CDH2: variants seen among roughly 807,000 people sequenced by gnomAD.
CDH2 encodes the protein cadherin 2.
In CDH2, 17 loss-of-function variants were observed where a neutral mutation model predicts 92.0. The observed-to-expected ratio is 0.18, with a 90% confidence interval of 0.13 to 0.28. The LOEUF is 0.28. Ranked by LOEUF, CDH2 falls within the 10% of genes least tolerant of loss-of-function variation. The pLI, the probability that CDH2 is intolerant of heterozygous loss-of-function variation, is 1.00. For missense variants in CDH2, 862 were observed against 1,133.1 expected, an observed-to-expected ratio of 0.76 and a Z score of 3.44; for synonymous variants, 419 against 415.9, an observed-to-expected ratio of 1.01 and a Z score of -0.09.
intron 1 of CDH2, among the ~76,000 whole-genome samples, chr18:28,166,343 C>A (rs764966123): frequency 1.3e-5 from 2 of 151,714 alleles, no homozygotes; most frequent in South Asian, 4.2e-4. Flanking sequence ...CTGTTATCGA[C>A]GTTTGAGTAC....
At chr18:27,963,093 C>G (rs1408770429) in intron 15 of CDH2, among the ~76,000 whole-genome samples, 5 of 152,092 alleles carry the variant, frequency 3.3e-5, no homozygotes, top group Non-Finnish European at 7.4e-5. Flanking sequence ...TTCTCGGAGA[C>G]AGTGTGACTA....
rs17536479 is a variant in CDH2 at position 28,136,784 on chromosome 18, C to T, written c.172+10889G>A. Among the ~76,000 whole-genome samples, 704 of 152,176 alleles carry T rather than the reference C, an allele frequency of 4.6e-3. 6 individuals are homozygous for T. Among genetic ancestry groups the T allele is most frequent in the African/African-American group, 0.015 (625 of 41,522 alleles). ...TCTGTATTTCTGTTGTGGAAATACA[C>T]GCTAAGACCAAATATCTAAGTATAG... On this transcript the variant is annotated intron_variant, in intron 2 of 15. Transcript: ENST00000269141.
In CDH2 at chr18:28,037,275, G is replaced by A. The variant is rs375720956; in HGVS notation, c.173-23366C>T. Among the ~76,000 whole-genome samples the A allele has an allele frequency of 2.0e-5, 3 of 152,120 alleles. No homozygotes were observed. In the East Asian group the frequency reaches 5.8e-4, roughly 29 times the overall value. On this transcript the variant is annotated intron_variant, in intron 2 of 15. Transcript: ENST00000269141. ...TGCCTATACATAATTTTGCTAATGG[G>A]TAGATACAAGATTCCCAAAGAGTGC...
At chr18:27,981,124 G>T (rs1464546419) in intron 14 of CDH2, among the ~76,000 whole-genome samples, 1 of 152,052 alleles carries the variant, frequency 6.6e-6, no homozygotes, top group Non-Finnish European at 1.5e-5. Flanking sequence ...CTCCAATTTT[G>T]GGCAGCATCC....
At chr18:27,969,421 GCTAC>G (rs1310727916) in intron 14 of CDH2, among the ~76,000 whole-genome samples, 1 of 152,162 alleles carries the variant, frequency 6.6e-6, no homozygotes, top group African/African-American at 2.4e-5. Context: ...CCTTTAACAT[GCTAC>G]CTGTTTTCAG....
chr18:28,123,838 G>A (rs1295615798), intron 2 of CDH2, among the ~76,000 whole-genome samples: 2 of 152,106 alleles, frequency 1.3e-5, no homozygotes, highest in African/African-American at 4.8e-5. Context: ...AGAACTGAAA[G>A]CACTTTTGTT....
At chr18:28,067,491 C>T (rs939718357) in intron 2 of CDH2, among the ~76,000 whole-genome samples, 2 of 152,098 alleles carry the variant, frequency 1.3e-5, no homozygotes, top group Non-Finnish European at 2.9e-5. Context: ...AATATGTGGT[C>T]CTTTGTGATT....
intron 5 of CDH2, 31 bp from the exon 6 acceptor site, chr18:28,006,024 A>T: frequency 1.9e-6 from 3 of 1,562,082 alleles, no homozygotes; most frequent in Non-Finnish European, 2.6e-6. Flanking sequence ...CAACTATTTA[A>T]CAGATTTATG....
intron 2 of CDH2, among the ~76,000 whole-genome samples, chr18:28,090,405 TC>T (rs2015015356): frequency 6.6e-6 from 1 of 152,164 alleles, no homozygotes; most frequent in African/African-American, 2.4e-5. Flanking sequence ...CTCACCCATC[TC>T]CTTCATGTCC....
At chr18:28,024,626 T>C (rs2013501112) in intron 2 of CDH2, among the ~76,000 whole-genome samples, 2 of 151,642 alleles carry the variant, frequency 1.3e-5, no homozygotes, top group African/African-American at 4.8e-5. Flanking sequence ...TCTACATTCC[T>C]AGATAACCAA....
chr18:28,038,411 A>G (rs1206871606), intron 2 of CDH2, among the ~76,000 whole-genome samples: 1 of 146,586 alleles, frequency 6.8e-6, no homozygotes, highest in African/African-American at 2.6e-5. Context: ...TGACAGTGAG[A>G]CCTTGTCTCA....
chr18:28,054,032 G>A (rs17446134), intron 2 of CDH2, among the ~76,000 whole-genome samples: 3,767 of 152,272 alleles, frequency 0.025, 70 homozygotes, highest in East Asian at 0.057. Flanking sequence ...TACCAAGGGT[G>A]AGTCTGTGCT....
At chr18:28,138,467 C>T (rs114024572) in intron 2 of CDH2, among the ~76,000 whole-genome samples, 2,174 of 152,180 alleles carry the variant, frequency 0.014, 54 homozygotes, top group African/African-American at 0.05. Flanking sequence ...TCAAGACCCA[C>T]GAAGTATTGA....
At chr18:28,067,309 TA>T (rs1358127532) in intron 2 of CDH2, among the ~76,000 whole-genome samples, 3 of 152,152 alleles carry the variant, frequency 2.0e-5, no homozygotes, top group African/African-American at 7.2e-5. Flanking sequence ...CAACCAATTT[TA>T]GAATGTTTTC....
intron 10 of CDH2, among the ~76,000 whole-genome samples, chr18:27,989,334 T>C (rs2012335470): frequency 1.3e-5 from 2 of 152,220 alleles, no homozygotes; most frequent in South Asian, 2.1e-4. Context: ...AGGTATGCTA[T>C]GTTTGGAAAG....
In CDH2 at chr18:27,983,066, C is replaced by G. The variant is rs2012111119; in HGVS notation, c.2227G>C (p.Val743Leu). ...IILLILVLMF[V>L]VWMKRRDKER... ...TTATCCCGGCGTTTCATCCATACCACAAACATCAGCACAAGGACTAGGTAG... is the reference window on the plus strand; with the variant it reads ...TTATCCCGGCGTTTCATCCATACCAGAAACATCAGCACAAGGACTAGGTAG... Residue 743 changes from valine (V) to leucine (L), a missense_variant, in exon 14 of 16, where the codon GTG (valine) becomes CTG (leucine). Val to Leu is a conservative substitution (Grantham distance 32). This residue lies in a region of CDH2 where 564 missense variants were observed against 722.2 expected (regional missense o/e 0.78). Coordinates refer to ENST00000269141, the MANE Select transcript of CDH2 (RefSeq NM_001792.5). The G allele has an allele frequency of 6.2e-7, 1 of 1,612,340 alleles. No individual in the cohort carries two copies. Among genetic ancestry groups the G allele is most frequent in the African/African-American group, 1.3e-5 (1 of 74,840 alleles).
rs374384211 is a variant in CDH2, at chr18:27,985,655, T to G, written c.1848A>C (p.Pro616=). 13 of 1,613,740 alleles carry G rather than the reference T, an allele frequency of 8.1e-6. No homozygotes were observed. Among genetic ancestry groups the G allele is most frequent in the Non-Finnish European group, 1.0e-5 (12 of 1,179,716 alleles). ...CTGTAATATTAATTGAATTGGGGTC[T>G]GGAGTTTCGCAAGTCTCTGCCTCTT... ...LPQEAETCET[P]DPNSINITAL... The change falls in exon 12 of 16, where the codon CCA becomes CCC. Residue 616 remains proline (P), a synonymous_variant. Coordinates refer to ENST00000269141, the MANE Select transcript of CDH2 (RefSeq NM_001792.5).
At chr18:27,955,779 TTA>T (rs1555627589) in intron 15 of CDH2, among the ~76,000 whole-genome samples, 5 of 141,960 alleles carry the variant, frequency 3.5e-5, no homozygotes, top group Non-Finnish European at 6.1e-5. Flanking sequence ...TTTTTTTTTT[TTA>T]AAGAGGTTAA....
chr18:28,061,880 A>T (rs970086761), intron 2 of CDH2, among the ~76,000 whole-genome samples: 8 of 152,090 alleles, frequency 5.3e-5, no homozygotes, highest in Non-Finnish European at 1.0e-4. Context: ...CAAGGGAAAA[A>T]CCTGCCCCAT....
Sources: allele counts gnomAD v4.1 joint callset (sites outside exome capture counted in the v4.1 genomes callset), GRCh38; gene constraint gnomAD v4.1.1; regional missense constraint gnomAD v4.1.1; transcripts MANE v1.5; gene names NCBI Gene and HGNC (gene_info 2026-07-23, HGNC 2026-07-21).